BSPH1: variants seen among roughly 807,000 people sequenced by gnomAD.
The protein encoded by BSPH1 is binder of sperm 1.
A neutral mutation model predicts 22.5 loss-of-function variants in BSPH1; 21 were observed. The observed-to-expected ratio is 0.93, with a 90% confidence interval of 0.66 to 1.35. The LOEUF (loss-of-function observed/expected upper bound fraction) is 1.35. BSPH1 is among the 40% of genes most tolerant of loss of function. The pLI, the probability that BSPH1 is intolerant of heterozygous loss-of-function variation, is 0.00. For synonymous variants in BSPH1, 42 were observed against 53.6 expected (o/e 0.78, Z 0.95); for missense variants, 141 against 154.2 (o/e 0.91, Z 0.45).
At chr19:47,979,443 C>T (rs898071545) in intron 3 of BSPH1, 127 bp downstream of exon 3, 14 of 547,396 alleles carry the variant, frequency 2.6e-5, no homozygotes, top group Non-Finnish European at 4.2e-5. Context: ...TTATGAGGCA[C>T]TTATGTTACA....
chr19:47,980,905 T>A lies in BSPH1; in HGVS notation c.94+16A>T. 6.9e-7 allele frequency: 1 copy of A among 1,441,418 alleles called. No individual in the cohort carries two copies. The highest frequency in any genetic ancestry group is 1.4e-5 in the South Asian group (1 of 73,668). The allele number at this position is 1,441,418 out of a possible 1,614,324, so 89.3% of individuals were successfully genotyped here. ...TTTGAAAAGAAACGCTAATAAAAGTTTTTTGATCAACTCACCCACAGTTGA... is the reference window on the plus strand; with the variant it reads ...TTTGAAAAGAAACGCTAATAAAAGTATTTTGATCAACTCACCCACAGTTGA... On this transcript the variant is annotated intron_variant, in intron 2 of 5. Transcript: ENST00000344839.
rs533589634 is a variant in BSPH1, at chr19:47,975,608, C to CT, written c.*2+1101dup. Among the ~76,000 whole-genome samples the CT allele has an allele frequency of 6.3e-4, 95 of 151,232 alleles. 1 individual carries two copies. Among genetic ancestry groups the CT allele is most frequent in the African/African-American group, 2.3e-3 (93 of 41,228 alleles). On this transcript the variant is annotated intron_variant, in intron 5 of 5. Coordinates refer to ENST00000344839, the MANE Select transcript of BSPH1 (RefSeq NM_001128326.2). ...ACCTCAGGTATCACCTCAGTTATCA[C>CT]TTTTTTTCTGTTTTAGAAATATTCT...
chr19:47,987,295 G>C (rs753635642), intron 1 of BSPH1, among the ~76,000 whole-genome samples: 1 of 151,938 alleles, frequency 6.6e-6, no homozygotes, highest in Non-Finnish European at 1.5e-5. Flanking sequence ...GTTGGTTTCT[G>C]ATTAACCCCG....
chr19:47,969,534 C>T (rs1831526765), intron 5 of BSPH1, among the ~76,000 whole-genome samples: 1 of 151,998 alleles, frequency 6.6e-6, no homozygotes, highest in African/African-American at 2.4e-5. Context: ...ACAGAAACGA[C>T]ACCTGTAATT....
intron 5 of BSPH1, among the ~76,000 whole-genome samples, chr19:47,973,228 A>AATG (rs927645524): frequency 1.0e-5 from 1 of 98,416 alleles, no homozygotes; most frequent in Non-Finnish European, 2.1e-5. Flanking sequence ...AAATAATAAT[A>AATG]ATAATAATAA....
At chr19:47,976,689 C>G in intron 5 of BSPH1, 21 bp downstream of exon 5, 1 of 1,548,986 alleles carries the variant, frequency 6.5e-7, no homozygotes, top group South Asian at 1.2e-5. Flanking sequence ...GTCTTCATCC[C>G]CCTCCCCTGG....
intron 5 of BSPH1, among the ~76,000 whole-genome samples, chr19:47,973,870 C>A (rs1035918378): frequency 6.6e-6 from 1 of 152,204 alleles, no homozygotes; most frequent in Admixed American, 6.5e-5. Context: ...TTGTTCACTT[C>A]TGGCTCCACG....
intron 4 of BSPH1, 90 bp from the exon 5 acceptor site, chr19:47,976,944 T>A: frequency 8.2e-7 from 1 of 1,221,582 alleles, no homozygotes; most frequent in Non-Finnish European, 1.1e-6. Flanking sequence ...TGCACACATA[T>A]GCACACATGT....
chr19:47,972,039 T>C (rs1239287321), intron 5 of BSPH1, among the ~76,000 whole-genome samples: 7 of 152,234 alleles, frequency 4.6e-5, no homozygotes, highest in Non-Finnish European at 2.9e-5. Flanking sequence ...CTTGTTCATC[T>C]GCTTCGCTGG....
chr19:47,984,161 A>AT (rs1443677923), intron 1 of BSPH1, among the ~76,000 whole-genome samples: 340 of 135,756 alleles, frequency 2.5e-3, no homozygotes, highest in Admixed American at 5.9e-3. Flanking sequence ...GAAAAAAAAA[A>AT]AAATATATAT....
intron 5 of BSPH1, among the ~76,000 whole-genome samples, chr19:47,969,015 A>AAG (rs1969284606): frequency 6.6e-6 from 1 of 151,642 alleles, no homozygotes. Context: ...AAAAAAAAAA[A>AAG]AAAAAAAGAA....
At chr19:47,985,049 A>T (rs1969456527) in intron 1 of BSPH1, among the ~76,000 whole-genome samples, 3 of 148,292 alleles carry the variant, frequency 2.0e-5, no homozygotes. Context: ...TCTGGGCAAT[A>T]CAAGACTCTG....
At chr19:47,971,195 C>T (rs1600082904) in intron 5 of BSPH1, among the ~76,000 whole-genome samples, 2 of 152,102 alleles carry the variant, frequency 1.3e-5, no homozygotes, top group African/African-American at 2.4e-5. Flanking sequence ...TGTATTTTAT[C>T]GTTTAATTAA....
intron 1 of BSPH1, among the ~76,000 whole-genome samples, chr19:47,987,620 C>G (rs1403746065): frequency 2.6e-5 from 4 of 152,100 alleles, no homozygotes; most frequent in Admixed American, 1.3e-4. Flanking sequence ...TTCCTGGGCT[C>G]AAGCAATCCT....
chr19:47,982,698 G>T (rs1428144784), intron 1 of BSPH1, among the ~76,000 whole-genome samples: 5 of 152,180 alleles, frequency 3.3e-5, no homozygotes, highest in African/African-American at 4.8e-5. Flanking sequence ...AAGGTGGAAA[G>T]AACCCACATG....
At chr19:47,975,323 T>C (rs905763632) in intron 5 of BSPH1, among the ~76,000 whole-genome samples, 9 of 151,240 alleles carry the variant, frequency 6.0e-5, no homozygotes, top group Non-Finnish European at 1.3e-4. Flanking sequence ...CAGCCACCGC[T>C]CCTGGCCTCT....
At chr19:47,978,454 A>G (rs1250901607) in intron 3 of BSPH1, among the ~76,000 whole-genome samples, 1 of 152,116 alleles carries the variant, frequency 6.6e-6, no homozygotes, top group Non-Finnish European at 1.5e-5. Context: ...ATTCAACACA[A>G]TTTATTCAGT....
intron 5 of BSPH1, among the ~76,000 whole-genome samples, chr19:47,970,438 T>C (rs1555730652): frequency 6.6e-6 from 1 of 152,156 alleles, no homozygotes; most frequent in Non-Finnish European, 1.5e-5. Flanking sequence ...CCTATTTCTG[T>C]CCCAACATTG....
chr19:47,981,963 C>A (rs899980602), intron 1 of BSPH1, among the ~76,000 whole-genome samples: 1 of 152,144 alleles, frequency 6.6e-6, no homozygotes, highest in Admixed American at 6.6e-5. Flanking sequence ...TATTACATAA[C>A]TGTTACAAAG....
Sources: allele counts gnomAD v4.1 joint callset (sites outside exome capture counted in the v4.1 genomes callset), GRCh38; gene constraint gnomAD v4.1.1; transcripts MANE v1.5; gene names NCBI Gene and HGNC (gene_info 2026-07-23, HGNC 2026-07-21).